NAALADL2: variants seen among roughly 807,000 people sequenced by gnomAD.
The protein encoded by NAALADL2 is N-acetylated alpha-linked acidic dipeptidase like 2, also known as inactive N-acetylated-alpha-linked acidic dipeptidase-like protein 2.
A neutral mutation model predicts 87.2 loss-of-function variants in NAALADL2; 76 were observed. The observed-to-expected ratio is 0.87, with a 90% confidence interval of 0.72 to 1.05. The LOEUF (loss-of-function observed/expected upper bound fraction) is 1.05. Among genes scored for constraint, NAALADL2 ranks in the 50% least tolerant of loss-of-function variants. NAALADL2 has a pLI of 0.00. For missense variants in NAALADL2, 1,089 were observed against 945.8 expected (o/e 1.15, Z -1.99); for synonymous variants, 354 against 331.0 (o/e 1.07, Z -0.75).
intron 1 of NAALADL2, among the ~76,000 whole-genome samples, chr3:174,872,548 A>G (rs1204795130): frequency 6.6e-6 from 1 of 152,192 alleles, no homozygotes; most frequent in Non-Finnish European, 1.5e-5. Flanking sequence ...ATTTTGTATT[A>G]TGCCTTTGTT....
At chr3:174,566,901 G>A (rs1284308360) in intron 2 of NAALADL2, among the ~76,000 whole-genome samples, 26 of 151,462 alleles carry the variant, frequency 1.7e-4, no homozygotes, top group Non-Finnish European at 5.9e-5. Flanking sequence ...AAAACAAAAG[G>A]TATGTTTTAT....
In NAALADL2 at chr3:175,010,025, T is replaced by C. The variant is rs1049670235; in HGVS notation, c.44-86765T>C. Among the ~76,000 whole-genome samples the C allele has an allele frequency of 5.3e-5, 8 of 152,120 alleles. No individual in the cohort carries two copies. The East Asian group carries it at 1.3e-3, about 26-fold the overall frequency. On this transcript the variant is annotated intron_variant, in intron 1 of 13. Coordinates refer to ENST00000454872, the MANE Select transcript of NAALADL2 (RefSeq NM_207015.3). Reference sequence around the variant, plus strand: ...ACAAGGATGAGCATGTTTAATTGACTGGAATTTAATACCACTCCCAATGGC... The same window carrying C: ...ACAAGGATGAGCATGTTTAATTGACCGGAATTTAATACCACTCCCAATGGC...
intron 11 of NAALADL2, chr3:175,718,820 G>A: frequency 1.9e-6 from 1 of 530,650 alleles, no homozygotes; most frequent in Non-Finnish European, 3.2e-6. Context: ...ACTCCAGCCT[G>A]GGCAACAGAG....
chr3:175,348,475 G>A (rs1763390759), intron 5 of NAALADL2, among the ~76,000 whole-genome samples: 1 of 152,138 alleles, frequency 6.6e-6, no homozygotes, highest in African/African-American at 2.4e-5. Flanking sequence ...CTGGAAAAGT[G>A]TTCTCTCACA....
intron 1 of NAALADL2, among the ~76,000 whole-genome samples, chr3:174,979,142 T>C (rs554863842): frequency 7.9e-5 from 12 of 152,020 alleles, no homozygotes; most frequent in Non-Finnish European, 1.3e-4. Context: ...TTTGGCTCTC[T>C]TAACCTTTTC....
At chr3:175,027,843 T>C (rs1024706046) in intron 1 of NAALADL2, among the ~76,000 whole-genome samples, 2 of 152,082 alleles carry the variant, frequency 1.3e-5, no homozygotes, top group Non-Finnish European at 2.9e-5. Context: ...TTTTAAGCTT[T>C]CAGGTCTGAT....
chr3:175,590,190 C>T (rs575543924), intron 10 of NAALADL2, among the ~76,000 whole-genome samples: 7 of 92,088 alleles, frequency 7.6e-5, no homozygotes, highest in East Asian at 7.1e-4. Context: ...CCAGCCTGGG[C>T]GACAGAGCGA....
intron 5 of NAALADL2, among the ~76,000 whole-genome samples, chr3:175,372,254 C>T (rs943996596): frequency 5.9e-5 from 9 of 152,274 alleles, no homozygotes; most frequent in African/African-American, 2.2e-4. Flanking sequence ...ATCATACTGA[C>T]CTAATACCTA....
At chr3:174,717,530 T>C (rs1292238228) in intron 2 of NAALADL2, among the ~76,000 whole-genome samples, 2 of 152,212 alleles carry the variant, frequency 1.3e-5, no homozygotes, top group African/African-American at 4.8e-5. Context: ...TCCTTCAGTT[T>C]AGTAGGCCAA....
At chr3:175,390,728 A>T (rs567023416) in intron 5 of NAALADL2, among the ~76,000 whole-genome samples, 1 of 152,314 alleles carries the variant, frequency 6.6e-6, no homozygotes, top group South Asian at 2.1e-4. Context: ...CTTTATAAAC[A>T]TAAATTTCTT....
chr3:174,940,060 G>A (rs1266001951), intron 1 of NAALADL2, among the ~76,000 whole-genome samples: 2 of 152,114 alleles, frequency 1.3e-5, no homozygotes, highest in African/African-American at 4.8e-5. Context: ...GAAGTGGTGA[G>A]AGAGGACATC....
intron 1 of NAALADL2, among the ~76,000 whole-genome samples, chr3:175,079,730 C>G (rs1717373914): frequency 2.6e-5 from 4 of 152,054 alleles, no homozygotes; most frequent in Admixed American, 1.3e-4. Flanking sequence ...AAGGAATATG[C>G]AAGCTTCTTT....
intron 11 of NAALADL2, among the ~76,000 whole-genome samples, chr3:175,632,014 A>T (rs1727833059): frequency 6.6e-6 from 1 of 152,070 alleles, no homozygotes; most frequent in African/African-American, 2.4e-5. Flanking sequence ...TTAATAAATT[A>T]TATCATATTA....
chr3:175,684,695 C>T (rs945671568), intron 11 of NAALADL2, among the ~76,000 whole-genome samples: 3 of 151,870 alleles, frequency 2.0e-5, no homozygotes, highest in African/African-American at 4.8e-5. Context: ...CCCAGCTACT[C>T]GGGAGGCTGA....
intron 11 of NAALADL2, among the ~76,000 whole-genome samples, chr3:175,714,007 T>C (rs1432117528): frequency 1.3e-5 from 2 of 152,204 alleles, no homozygotes; most frequent in Non-Finnish European, 2.9e-5. Context: ...TGTATTAGTT[T>C]GCTGAGAATG....
chr3:175,089,901 A>G lies in NAALADL2; in HGVS notation c.44-6889A>G, dbSNP rs575772472. 1.9e-4 allele frequency among the ~76,000 whole-genome samples: 29 copies of G among 152,336 alleles called. No individual in the cohort carries two copies. The South Asian group carries it at 6.0e-3, about 32-fold the overall frequency. ...TGCCTATAGTGAAGCTCAGAACTAC[A>G]TTAAAACTCTATTACAGTGGCTTTC... On this transcript the variant is annotated intron_variant, in intron 1 of 13. Transcript: ENST00000454872.
chr3:174,748,713 A>G (rs1370967748), intron 3 of NAALADL2, among the ~76,000 whole-genome samples: 1 of 152,190 alleles, frequency 6.6e-6, no homozygotes, highest in African/African-American at 2.4e-5. Context: ...TACCAGAGCC[A>G]CTAAGAACCA....
chr3:175,243,321 AACACACACAC>A lies in NAALADL2; in HGVS notation c.819+9132_819+9141del, dbSNP rs113418317. Among the ~76,000 whole-genome samples the A allele has an allele frequency of 2.8e-5, 4 of 144,556 alleles. No homozygotes were observed. In the East Asian group the frequency reaches 6.3e-4, roughly 23 times the overall value. 94.8% of individuals were successfully genotyped at this position (144,556 alleles called of 152,430 possible). On this transcript the variant is annotated intron_variant, in intron 3 of 13. Coordinates refer to ENST00000454872, the MANE Select transcript of NAALADL2 (RefSeq NM_207015.3). ...GTTTTGTTCTACCACTTTAGAAGGA[AACACACACAC>A]ACACACACACACACGCACGCACACA...
intron 1 of NAALADL2, among the ~76,000 whole-genome samples, chr3:175,055,126 G>A (rs1711851665): frequency 6.6e-6 from 1 of 152,084 alleles, no homozygotes; most frequent in Non-Finnish European, 1.5e-5. Flanking sequence ...TTCACAGGTA[G>A]GACATTTATC....
Sources: allele counts gnomAD v4.1 joint callset (sites outside exome capture counted in the v4.1 genomes callset), GRCh38; gene constraint gnomAD v4.1.1; transcripts MANE v1.5; gene names NCBI Gene and HGNC (gene_info 2026-07-23, HGNC 2026-07-21).